The following LRP1B variants were observed in gnomAD, a reference collection of about 807,000 sequenced individuals.
LRP1B encodes the protein low-density lipoprotein receptor-related protein 1B.
In LRP1B, 217 loss-of-function variants were observed where a neutral mutation model predicts 556.6. The observed-to-expected ratio is 0.39, with a 90% confidence interval of 0.35 to 0.44. The LOEUF is 0.44. Ranked by LOEUF, LRP1B falls within the 20% of genes least tolerant of loss-of-function variation. The pLI is 1.00. For synonymous variants in LRP1B, 2,047 were observed against 1,865.8 expected, an observed-to-expected ratio of 1.10 and a Z score of -2.50; for missense variants, 5,053 against 5,620.8, an observed-to-expected ratio of 0.90 and a Z score of 3.23.
At chr2:140,448,147 T>C (rs1686744733) in intron 63 of LRP1B, among the ~76,000 whole-genome samples, 1 of 152,046 alleles carries the variant, frequency 6.6e-6, no homozygotes. Flanking sequence ...TGTTGAAAAA[T>C]GTCACCAATA....
chr2:140,301,142 G>C (rs1433365420), intron 83 of LRP1B, among the ~76,000 whole-genome samples: 2 of 152,150 alleles, frequency 1.3e-5, no homozygotes, highest in African/African-American at 4.8e-5. Flanking sequence ...AGACTTTGAA[G>C]AATGAGTCTT....
chr2:141,219,171 C>T (rs931018561), intron 6 of LRP1B, among the ~76,000 whole-genome samples: 12 of 152,208 alleles, frequency 7.9e-5, no homozygotes, highest in Non-Finnish European at 1.6e-4. Flanking sequence ...AGGCCAGTGG[C>T]TTCAGGCTGG....
intron 3 of LRP1B, among the ~76,000 whole-genome samples, chr2:141,347,817 T>G (rs927472432): frequency 2.0e-5 from 3 of 152,072 alleles, no homozygotes; most frequent in African/African-American, 7.2e-5. Context: ...TTTTTGTCAT[T>G]ATAACAAAGT....
intron 2 of LRP1B, among the ~76,000 whole-genome samples, chr2:141,507,469 G>A (rs1030683664): frequency 2.0e-4 from 30 of 152,054 alleles, no homozygotes; most frequent in African/African-American, 6.8e-4. Flanking sequence ...ATCTGTGTGA[G>A]GAAAGGATAT....
chr2:141,526,348 C>A (rs766659584), intron 2 of LRP1B, among the ~76,000 whole-genome samples: 6 of 151,884 alleles, frequency 4.0e-5, no homozygotes, highest in Non-Finnish European at 7.4e-5. Context: ...TTTTCCAGGT[C>A]TCAAGCAGTA....
intron 35 of LRP1B, among the ~76,000 whole-genome samples, chr2:140,746,649 G>T (rs1231671376): frequency 1.3e-5 from 2 of 152,096 alleles, no homozygotes; most frequent in Admixed American, 1.3e-4. Context: ...ACGCAGGAGA[G>T]CCATGTTTTG....
intron 35 of LRP1B, among the ~76,000 whole-genome samples, chr2:140,725,076 T>G (rs947327750): frequency 6.6e-6 from 1 of 152,310 alleles, no homozygotes; most frequent in Non-Finnish European, 1.5e-5. Flanking sequence ...AACATAATGA[T>G]TTCTTTGGGG....
intron 2 of LRP1B, among the ~76,000 whole-genome samples, chr2:141,607,454 C>T (rs904814889): frequency 2.0e-5 from 3 of 152,142 alleles, no homozygotes. Context: ...TGCACTATCT[C>T]TAGAGATGCA....
At chr2:142,102,790 T>A (rs1477057698) in intron 1 of LRP1B, among the ~76,000 whole-genome samples, 1 of 151,730 alleles carries the variant, frequency 6.6e-6, no homozygotes, top group Non-Finnish European at 1.5e-5. Flanking sequence ...CTCATAACCA[T>A]AACAAAATAA....
intron 35 of LRP1B, among the ~76,000 whole-genome samples, chr2:140,725,918 A>G (rs932484140): frequency 1.3e-5 from 2 of 152,100 alleles, no homozygotes; most frequent in African/African-American, 4.8e-5. Flanking sequence ...ACCAGTTTGC[A>G]TTTGCGTAGT....
chr2:142,095,367 A>G (rs1406958834), intron 1 of LRP1B, among the ~76,000 whole-genome samples: 1 of 151,832 alleles, frequency 6.6e-6, no homozygotes, highest in Non-Finnish European at 1.5e-5. Flanking sequence ...GGGAGTAAGT[A>G]GTTCAGTAGA....
At chr2:141,476,435 CA>C (rs2105080892) in intron 3 of LRP1B, among the ~76,000 whole-genome samples, 1 of 152,208 alleles carries the variant, frequency 6.6e-6, no homozygotes, top group South Asian at 2.1e-4. Context: ...TGCAATTAGA[CA>C]AGGTGATATT....
At chr2:141,714,283 A>G (rs1692483877) in intron 2 of LRP1B, among the ~76,000 whole-genome samples, 1 of 152,162 alleles carries the variant, frequency 6.6e-6, no homozygotes, top group Non-Finnish European at 1.5e-5. Flanking sequence ...CTTAACAAGC[A>G]TCTGTCAAAT....
intron 7 of LRP1B, among the ~76,000 whole-genome samples, chr2:141,162,250 T>C (rs34332358): frequency 0.11 from 15,987 of 152,100 alleles, 1,111 homozygotes; most frequent in Non-Finnish European, 0.16. Context: ...GGATGTGTCA[T>C]TGCAGAGCAG....
intron 77 of LRP1B, among the ~76,000 whole-genome samples, chr2:140,343,684 CA>C (rs531844913): frequency 5.1e-4 from 78 of 151,634 alleles, no homozygotes; most frequent in Admixed American, 3.2e-3. Flanking sequence ...TAGTGACATA[CA>C]AGTATGTAGG....
intron 25 of LRP1B, among the ~76,000 whole-genome samples, chr2:140,872,389 A>C (rs1400255307): frequency 2.0e-5 from 1 of 50,180 alleles, no homozygotes; most frequent in Non-Finnish European, 3.7e-5. Context: ...TTTTTTTTTT[A>C]CTAAAGTAGC....
intron 1 of LRP1B, among the ~76,000 whole-genome samples, chr2:141,970,641 A>T (rs1317268367): frequency 6.6e-6 from 1 of 151,556 alleles, no homozygotes; most frequent in East Asian, 1.9e-4. Context: ...CAAGGCTAGA[A>T]ATAAGCTGAT....
intron 50 of LRP1B, among the ~76,000 whole-genome samples, chr2:140,516,341 T>C (rs1689897393): frequency 6.6e-6 from 1 of 151,966 alleles, no homozygotes; most frequent in Admixed American, 6.6e-5. Context: ...TAACATAATA[T>C]TTACATTGTA....
At chr2:141,575,054 C>T (rs369467583) in intron 2 of LRP1B, among the ~76,000 whole-genome samples, 2 of 151,996 alleles carry the variant, frequency 1.3e-5, no homozygotes, top group East Asian at 3.9e-4. Flanking sequence ...AGATTCAATG[C>T]TATTCCCGTC....
Sources: gnomAD v4.1 joint callset for allele counts (sites outside exome capture counted in the v4.1 genomes callset) on GRCh38, gnomAD v4.1.1 for gene constraint, MANE v1.5 for transcripts, NCBI Gene and HGNC (gene_info 2026-07-23, HGNC 2026-07-21) for gene names.